RRAGB: variants seen among roughly 807,000 people sequenced by gnomAD.
RRAGB encodes ras-related GTP-binding protein B.
In RRAGB, 6 loss-of-function variants were observed where a neutral mutation model predicts 29.3. The ratio of observed to expected loss-of-function variants is 0.21; its 90% confidence interval spans 0.11 to 0.40. RRAGB has a LOEUF of 0.40. RRAGB is among the 10% of genes least tolerant of loss of function. The pLI, the probability that RRAGB is intolerant of heterozygous loss-of-function variation, is 1.00. For synonymous variants in RRAGB, 101 were observed against 92.5 expected, an observed-to-expected ratio of 1.09 and a Z score of -0.53; for missense variants, 184 against 272.9, an observed-to-expected ratio of 0.67 and a Z score of 2.29.
At chrX:55,748,021 C>T (rs2034315502) in intron 5 of RRAGB, among the ~76,000 whole-genome samples, 1 of 112,565 alleles carries the variant, frequency 8.9e-6, no homozygotes, top group South Asian at 3.7e-4. Flanking sequence ...GCGGGCGCCG[C>T]CACACCTGAC....
chrX:55,726,151 T>TAA lies in RRAGB; in HGVS notation c.227-3133_227-3132dup, dbSNP rs58255567. 6.2e-3 allele frequency among the ~76,000 whole-genome samples: 639 copies of TAA among 103,439 alleles called. 4 individuals carry two copies. Among genetic ancestry groups the TAA allele is most frequent in the Middle Eastern group, 0.019 (4 of 207 alleles). The allele number at this position is 103,439 out of a possible 115,157, so 89.8% of individuals were successfully genotyped here. A position where few individuals can be genotyped will look rare whatever the true frequency, so the allele number is the denominator to read the frequency against. ...AGGTCCCAGGGATTAAGGAAAATGTTAAAAAAAAAAAGAAAAGCAACATGA... is the reference window on the plus strand; with the variant it reads ...AGGTCCCAGGGATTAAGGAAAATGTTAAAAAAAAAAAAAGAAAAGCAACATGA... On this transcript the variant is annotated intron_variant, in intron 3 of 9. Coordinates refer to ENST00000374941, the MANE Select transcript of RRAGB (RefSeq NM_006064.5).
At chrX:55,745,137 G>A (rs770944230) in intron 5 of RRAGB, among the ~76,000 whole-genome samples, 3 of 112,264 alleles carry the variant, frequency 2.7e-5, no homozygotes, top group Non-Finnish European at 5.6e-5. Flanking sequence ...TTACCAGTAA[G>A]TCTAATGTAG....
At chrX:55,749,417 G>A (rs867849028) in intron 5 of RRAGB, among the ~76,000 whole-genome samples, 1 of 103,960 alleles carries the variant, frequency 9.6e-6, no homozygotes, top group Non-Finnish European at 2.0e-5. Context: ...AGGTGGGGGG[G>A]TCAGCCCCCC....
Position 55,717,852 on chromosome X carries a change from C to G in RRAGB, c.-476C>G, listed in dbSNP as rs5960093. 0.34 allele frequency: 38,259 copies of G among 113,069 alleles called. 4,922 individuals carry two copies. The highest frequency in any genetic ancestry group is 0.49 in the Middle Eastern group (106 of 217). 9.3% of individuals were successfully genotyped at this position (113,069 alleles called of 1,213,427 possible). On this transcript the variant is annotated 5_prime_UTR_variant, in exon 1 of 10. Coordinates refer to ENST00000374941, the MANE Select transcript of RRAGB (RefSeq NM_006064.5). ...CGTAACTACTGCCCCCGCCGGCTGA[C>G]TCTCCGAGCGGCCGGGCTCGGAAGC...
intron 3 of RRAGB, among the ~76,000 whole-genome samples, chrX:55,726,752 A>T (rs1211761703): frequency 9.0e-6 from 1 of 111,518 alleles, no homozygotes; most frequent in Non-Finnish European, 1.9e-5. Context: ...ATTTTGTAGG[A>T]AGAAAGGGGG....
chrX:55,728,019 G>C (rs1218135860), intron 3 of RRAGB, among the ~76,000 whole-genome samples: 1 of 110,120 alleles, frequency 9.1e-6, no homozygotes, highest in Non-Finnish European at 1.9e-5. Context: ...TTGAAAGAAA[G>C]ATGGGGAGGG....
Position 55,724,546 on chromosome X carries a change from C to T in RRAGB, c.226+2261C>T, listed in dbSNP as rs768323838. Among the ~76,000 whole-genome samples, 4 of 111,687 alleles carry T rather than the reference C, an allele frequency of 3.6e-5. No homozygotes were observed. In the East Asian group the frequency reaches 1.1e-3, roughly 31 times the overall value. On this transcript the variant is annotated intron_variant, in intron 3 of 9. Transcript: ENST00000374941. ...TTTGGTCAGGATAGTGTCCTATGGCCTGTCATGCCTCTATAATTGACATCT... is the reference window on the plus strand; with the variant it reads ...TTTGGTCAGGATAGTGTCCTATGGCTTGTCATGCCTCTATAATTGACATCT...
Position 55,758,519 on chromosome X carries a change from A to G in RRAGB, c.*176A>G. On this transcript the variant is annotated 3_prime_UTR_variant, in exon 10 of 10. Coordinates refer to ENST00000374941, the MANE Select transcript of RRAGB (RefSeq NM_006064.5). The stretch of plus-strand genomic sequence containing the variant: ...CTTAAATAGCCATTGAGGAGTTAGA[A>G]GATGAATTGTTCATGAAGTCGGTGT... 2.9e-6 allele frequency: 1 copy of G among 345,566 alleles called. No homozygotes were observed. Among genetic ancestry groups the G allele is most frequent in the Non-Finnish European group, 5.1e-6 (1 of 197,996 alleles). 28.5% of individuals were successfully genotyped at this position (345,566 alleles called of 1,213,427 possible).
At chrX:55,727,420 G>A in intron 3 of RRAGB, 1 of 639,814 alleles carries the variant, frequency 1.6e-6, no homozygotes, top group South Asian at 2.3e-5. Flanking sequence ...CCAAGGAGGG[G>A]GAAGTAAAGG....
At chrX:55,757,483 G>T in intron 9 of RRAGB, 152 bp downstream of exon 9, 1 of 310,947 alleles carries the variant, frequency 3.2e-6, no homozygotes, top group African/African-American at 2.6e-5. Context: ...TGAACTGTAT[G>T]CTTAAAAATA....
At chrX:55,733,511 A>C (rs1414332421) in intron 5 of RRAGB, among the ~76,000 whole-genome samples, 2 of 111,606 alleles carry the variant, frequency 1.8e-5, no homozygotes, top group African/African-American at 6.5e-5. Flanking sequence ...TTTTATCATA[A>C]AGGGATGCTG....
At chrX:55,729,773 C>G (rs1018129931) in intron 4 of RRAGB, among the ~76,000 whole-genome samples, 7 of 112,316 alleles carry the variant, frequency 6.2e-5, no homozygotes, top group African/African-American at 1.6e-4. Context: ...AGCACACATT[C>G]TCTAGCTAAG....
At chrX:55,732,678 T>A (rs1363684958) in intron 5 of RRAGB, among the ~76,000 whole-genome samples, 3 of 112,012 alleles carry the variant, frequency 2.7e-5, no homozygotes, top group Non-Finnish European at 5.6e-5. Context: ...GTAGTCTTTT[T>A]AGCTCTTTCT....
At chrX:55,722,011 C>A (rs1213952880) in intron 2 of RRAGB, among the ~76,000 whole-genome samples, 175 bp from the exon 3 acceptor site, 1 of 112,702 alleles carries the variant, frequency 8.9e-6, no homozygotes, top group Non-Finnish European at 1.9e-5. Flanking sequence ...TTCTAAGTAT[C>A]TCTGCATTCA....
chrX:55,724,263 G>T (rs902092939), intron 3 of RRAGB, among the ~76,000 whole-genome samples: 1 of 112,116 alleles, frequency 8.9e-6, no homozygotes, highest in African/African-American at 3.2e-5. Context: ...AGTTTTGTTT[G>T]TTTTAGCCCA....
intron 4 of RRAGB, among the ~76,000 whole-genome samples, chrX:55,730,526 C>T (rs1234053542): frequency 8.9e-6 from 1 of 111,937 alleles, no homozygotes; most frequent in Non-Finnish European, 1.9e-5. Flanking sequence ...TTTTCTCCTA[C>T]TACCGGATGC....
chrX:55,743,646 T>C (rs756589626), intron 5 of RRAGB, among the ~76,000 whole-genome samples: 4 of 112,678 alleles, frequency 3.5e-5, no homozygotes, highest in Non-Finnish European at 7.5e-5. Flanking sequence ...GGCATTCATA[T>C]GAGACACAAA....
intron 7 of RRAGB, among the ~76,000 whole-genome samples, chrX:55,754,032 C>T (rs1474795171): frequency 4.5e-5 from 5 of 111,313 alleles, no homozygotes; most frequent in Non-Finnish European, 7.5e-5. Context: ...GCAACAAGAG[C>T]GAAACTCCAT....
intron 5 of RRAGB, among the ~76,000 whole-genome samples, chrX:55,734,215 G>A (rs761141158): frequency 3.0e-3 from 327 of 108,802 alleles, no homozygotes; most frequent in Middle Eastern, 4.7e-3. Flanking sequence ...CGCCTGCCTC[G>A]GCCTCCCAAA....
Sources: allele counts gnomAD v4.1 joint callset (sites outside exome capture counted in the v4.1 genomes callset), GRCh38; gene constraint gnomAD v4.1.1; transcripts MANE v1.5; gene names NCBI Gene and HGNC (gene_info 2026-07-23, HGNC 2026-07-21).